Variants in AP1M1 observed in about 807,000 individuals in gnomAD.
AP1M1 encodes AP-1 complex subunit mu-1.
In AP1M1, 18 loss-of-function variants were observed where a neutral mutation model predicts 57.1. The ratio of observed to expected loss-of-function variants is 0.32; its 90% CI spans 0.22 to 0.47. The LOEUF is 0.47. AP1M1 is among the 20% of genes least tolerant of loss of function. AP1M1 has a pLI of 1.00. For synonymous variants in AP1M1, 241 were observed against 237.9 expected (o/e 1.01, Z -0.12); for missense variants, 362 against 593.5 (o/e 0.61, Z 4.05).
intron 9 of AP1M1, 42 bp from the exon 10 acceptor site, chr19:16,233,445 AGCTGGG>A: frequency 6.6e-7 from 1 of 1,521,664 alleles, no homozygotes; most frequent in Middle Eastern, 1.9e-4. Flanking sequence ...CTGTTGGCTA[AGCTGGG>A]GCAGGGCCTA....
intron 1 of AP1M1, 151 bp downstream of exon 1, chr19:16,198,219 T>C: frequency 2.8e-6 from 2 of 706,580 alleles, no homozygotes; most frequent in Non-Finnish European, 2.2e-6. Context: ...AGCCCCATCC[T>C]GTTTCTGGGT....
At chr19:16,216,750 T>G (rs2091520694) in intron 5 of AP1M1, among the ~76,000 whole-genome samples, 1 of 152,218 alleles carries the variant, frequency 6.6e-6, no homozygotes, top group South Asian at 2.1e-4. Context: ...TCTGGAGGAC[T>G]GGTATCCAGC....
chr19:16,217,177 G>T (rs548733782), intron 5 of AP1M1, among the ~76,000 whole-genome samples: 1 of 152,314 alleles, frequency 6.6e-6, no homozygotes, highest in East Asian at 1.9e-4. Flanking sequence ...CAGGGCTAGG[G>T]GTAGGTCCTC....
At chr19:16,222,546 T>C (rs1293040782) in intron 5 of AP1M1, among the ~76,000 whole-genome samples, 3 of 152,084 alleles carry the variant, frequency 2.0e-5, no homozygotes, top group Non-Finnish European at 4.4e-5. Flanking sequence ...GAGCAAGTTG[T>C]TTATTTCAGT....
chr19:16,197,975 T>TCGCTGCCGCCGCCACCGCCCTCGAC lies in AP1M1; in HGVS notation c.-29_-28insACCGCTGCCGCCGCCACCGCCCTCG. 4.1e-6 allele frequency: 6 copies of TCGCTGCCGCCGCCACCGCCCTCGAC among 1,451,820 alleles called. No individual in the cohort carries two copies. The highest frequency in any genetic ancestry group is 2.4e-5 in the Admixed American group (1 of 42,448). The allele number at this position is 1,451,820 out of a possible 1,614,324, so 89.9% of individuals were successfully genotyped here. ...GCTCAACGCCCAGCAGTCCCCACCG[T>TCGCTGCCGCCGCCACCGCCCTCGAC]CGCTGCCGCCGCCACCGCCCTCGGC... On this transcript the variant is annotated 5_prime_UTR_variant, in exon 1 of 12. Coordinates refer to ENST00000291439, the MANE Select transcript of AP1M1 (RefSeq NM_032493.4).
At chr19:16,230,831 A>G (rs1432609638) in intron 9 of AP1M1, among the ~76,000 whole-genome samples, 1 of 152,226 alleles carries the variant, frequency 6.6e-6, no homozygotes, top group South Asian at 2.1e-4. Flanking sequence ...AGTGCTTCCC[A>G]TGCATAGAAA....
chr19:16,231,335 A>G (rs976918343), intron 9 of AP1M1, among the ~76,000 whole-genome samples: 13 of 149,842 alleles, frequency 8.7e-5, no homozygotes, highest in African/African-American at 3.2e-4. Context: ...AGAAATACAG[A>G]TTAGATAGAT....
chr19:16,222,996 G>C (rs181592054), intron 5 of AP1M1, among the ~76,000 whole-genome samples: 4 of 152,278 alleles, frequency 2.6e-5, no homozygotes, highest in Admixed American at 2.6e-4. Flanking sequence ...GGGTTTTCCA[G>C]GCAAGTTGAC....
At chr19:16,225,669 G>A (rs1490807216) in intron 5 of AP1M1, among the ~76,000 whole-genome samples, 2 of 152,324 alleles carry the variant, frequency 1.3e-5, no homozygotes, top group Non-Finnish European at 2.9e-5. Flanking sequence ...TTGTCGAGGC[G>A]TGTGTGGAGC....
At chr19:16,225,038 G>A (rs528350954) in intron 5 of AP1M1, among the ~76,000 whole-genome samples, 13 of 152,252 alleles carry the variant, frequency 8.5e-5, no homozygotes, top group Admixed American at 2.0e-4. Flanking sequence ...AGCCGCTTGC[G>A]AGATGAGGAC....
At chr19:16,215,552 ACTGCTAGT>A (rs2091516073) in intron 5 of AP1M1, among the ~76,000 whole-genome samples, 1 of 145,622 alleles carries the variant, frequency 6.9e-6, no homozygotes, top group Non-Finnish European at 1.5e-5. Context: ...TGAGAGGCCC[ACTGCTAGT>A]CTGATGGGCT....
intron 5 of AP1M1, among the ~76,000 whole-genome samples, chr19:16,221,811 C>G (rs968763606): frequency 6.6e-6 from 1 of 152,124 alleles, no homozygotes; most frequent in Admixed American, 6.6e-5. Flanking sequence ...CTCAGCCTCC[C>G]GAGTAGCTGG....
intron 6 of AP1M1, 121 bp downstream of exon 6, chr19:16,226,668 A>G (rs1438073509): frequency 2.4e-6 from 3 of 1,260,254 alleles, no homozygotes; most frequent in Admixed American, 4.7e-5. Flanking sequence ...TTGGTTGAGC[A>G]GCACTTCACA....
rs1476663796 is a variant in AP1M1 at position 16,243,700 on chromosome 19, A to C, written c.*9265A>C. 8 of 152,134 alleles carry C rather than the reference A, an allele frequency of 5.3e-5. No individual in the cohort carries two copies. Among genetic ancestry groups the C allele is most frequent in the Non-Finnish European group, 1.2e-4 (8 of 68,018 alleles). 9.4% of individuals were successfully genotyped at this position (152,134 alleles called of 1,614,324 possible). On this transcript the variant is annotated 3_prime_UTR_variant, in exon 12 of 12. Coordinates refer to ENST00000291439, the MANE Select transcript of AP1M1 (RefSeq NM_032493.4). ...CTCATGTCTATAATCCCAGCACTTT[A>C]GGAGGCTGAAGCAGGTGAATCACTT...
At chr19:16,233,288 G>A (rs1385024571) in intron 9 of AP1M1, among the ~76,000 whole-genome samples, 2 of 152,200 alleles carry the variant, frequency 1.3e-5, no homozygotes, top group African/African-American at 4.8e-5. Flanking sequence ...TCCTCATGGG[G>A]CAGCTGGGCA....
rs1368936645 is a variant in AP1M1 at position 16,237,766 on chromosome 19, T to G, written c.*3331T>G. ...AAAAAAAAAGGCAAACGTTCAACCA[T>G]GTAGCTATTCAGGAAATATGTACAC... On this transcript the variant is annotated 3_prime_UTR_variant, in exon 12 of 12. Coordinates refer to ENST00000291439, the MANE Select transcript of AP1M1 (RefSeq NM_032493.4). The G allele has an allele frequency of 6.6e-6, 1 of 151,606 alleles. No individual in the cohort carries two copies. Among genetic ancestry groups the G allele is most frequent in the South Asian group, 2.1e-4 (1 of 4,794 alleles). 9.4% of individuals were successfully genotyped at this position (151,606 alleles called of 1,614,324 possible).
At chr19:16,231,822 G>A (rs1293509342) in intron 9 of AP1M1, among the ~76,000 whole-genome samples, 1 of 152,204 alleles carries the variant, frequency 6.6e-6, no homozygotes, top group Non-Finnish European at 1.5e-5. Flanking sequence ...GGATCATATG[G>A]TGATTCTATT....
rs1312354976 is a variant in AP1M1 at position 16,236,290 on chromosome 19, TC to T, written c.*1857del. ...ACAGGACAGAAGAGAGACTTCAGTT[TC>T]CAGCAACTTATCAGATAAGACCTGC... On this transcript the variant is annotated 3_prime_UTR_variant, in exon 12 of 12. Transcript: ENST00000291439. 6.6e-6 allele frequency: 1 copy of T among 152,304 alleles called. No individual in the cohort carries two copies. The highest frequency in any genetic ancestry group is 1.5e-5 in the Non-Finnish European group (1 of 68,122). The allele number at this position is 152,304 out of a possible 1,614,324, so 9.4% of individuals were successfully genotyped here.
In AP1M1 at chr19:16,233,479, C is replaced by T. The variant is rs773128737; in HGVS notation, c.1048-14C>T. 1.3e-5 allele frequency: 20 copies of T among 1,589,284 alleles called. No homozygotes were observed. The highest frequency in any genetic ancestry group is 1.6e-5 in the Non-Finnish European group (19 of 1,168,828). ...AGGGCCTAGGCCTGAGCGCCTCCCC[C>T]GTCTGCTCCCCAGGGCGGCAAGGAG... On this transcript the variant is annotated splice_polypyrimidine_tract_variant and intron_variant, in intron 9 of 11. Transcript: ENST00000291439.
Sources: allele counts gnomAD v4.1 joint callset (sites outside exome capture counted in the v4.1 genomes callset), GRCh38; gene constraint gnomAD v4.1.1; transcripts MANE v1.5; gene names NCBI Gene and HGNC (gene_info 2026-07-23, HGNC 2026-07-21).